LPP: variants seen among roughly 807,000 people sequenced by gnomAD.
LPP encodes the protein LIM domain containing preferred translocation partner in lipoma, also known as lipoma-preferred partner.
LPP carries 38 observed loss-of-function variants against 60.4 expected under a neutral mutation model. The observed-to-expected ratio is 0.63, with a 90% confidence interval of 0.49 to 0.83. LPP has a LOEUF of 0.83. LPP is among the 40% of genes least tolerant of loss of function. The probability of loss-of-function intolerance (pLI) is 0.00; values close to 1 mark genes in which losing one functional copy is unlikely to be tolerated. For synonymous variants in LPP, 328 were observed against 290.8 expected (o/e 1.13, Z -1.30); for missense variants, 902 against 783.6 (o/e 1.15, Z -1.80).
chr3:188,584,558 T>TGC (rs745653013), intron 6 of LPP: 2 of 150,828 alleles, frequency 1.3e-5, no homozygotes, highest in African/African-American at 2.4e-5. Context: ...TGTGTGTGTG[T>TGC]GTGTGTGTGT....
chr3:188,853,427 C>T (rs187765469), intron 9 of LPP, among the ~76,000 whole-genome samples: 53 of 152,278 alleles, frequency 3.5e-4, no homozygotes, highest in Middle Eastern at 6.8e-3. Context: ...ATTCACATAT[C>T]ATGGGCCATA....
At chr3:188,438,074 A>T (rs1792793458) in intron 4 of LPP, among the ~76,000 whole-genome samples, 1 of 152,114 alleles carries the variant, frequency 6.6e-6, no homozygotes, top group Non-Finnish European at 1.5e-5. Context: ...ATGGAGATAA[A>T]TCAGTTGTGG....
chr3:188,231,751 T>C (rs1280971746), intron 2 of LPP, among the ~76,000 whole-genome samples: 1 of 152,174 alleles, frequency 6.6e-6, no homozygotes. Context: ...ACTTTTAGGA[T>C]GTTTTCTCTT....
intron 4 of LPP, among the ~76,000 whole-genome samples, chr3:188,476,121 A>G (rs1803151462): frequency 6.6e-6 from 1 of 151,814 alleles, no homozygotes; most frequent in African/African-American, 2.4e-5. Flanking sequence ...AGCCCTTCTC[A>G]CCATGTGATA....
chr3:188,821,668 A>G (rs963423345), intron 9 of LPP, among the ~76,000 whole-genome samples: 2 of 152,114 alleles, frequency 1.3e-5, no homozygotes, highest in African/African-American at 4.8e-5. Context: ...TTATGCTTAT[A>G]TATATATGGC....
At chr3:188,422,255 G>A (rs773530053) in intron 4 of LPP, among the ~76,000 whole-genome samples, 1 of 151,990 alleles carries the variant, frequency 6.6e-6, no homozygotes, top group African/African-American at 2.4e-5. Flanking sequence ...ATCAGTAATC[G>A]CTAAGTAACA....
intron 3 of LPP, among the ~76,000 whole-genome samples, chr3:188,348,972 C>T (rs1418087360): frequency 6.6e-6 from 1 of 152,156 alleles, no homozygotes. Context: ...CTTTTTAACA[C>T]CCTTCATTTC....
chr3:188,393,923 A>G (rs79243759), intron 3 of LPP, among the ~76,000 whole-genome samples: 5,435 of 152,216 alleles, frequency 0.036, 316 homozygotes, highest in African/African-American at 0.13. Context: ...GCAATAATGC[A>G]TTTTATGCTT....
intron 6 of LPP, among the ~76,000 whole-genome samples, chr3:188,580,653 A>G (rs1181901959): frequency 3.9e-5 from 6 of 152,228 alleles, no homozygotes; most frequent in Non-Finnish European, 8.8e-5. Flanking sequence ...TTGCAGCAAC[A>G]TCAGCACCCC....
chr3:188,730,467 T>G (rs993536413), intron 8 of LPP, among the ~76,000 whole-genome samples: 1 of 152,222 alleles, frequency 6.6e-6, no homozygotes, highest in Admixed American at 6.5e-5. Context: ...GTTGGAGATA[T>G]CTTGGTACTC....
At chr3:188,600,188 G>T (rs895618801) in intron 6 of LPP, among the ~76,000 whole-genome samples, 15 of 147,788 alleles carry the variant, frequency 1.0e-4, no homozygotes, top group African/African-American at 3.7e-4. Context: ...TTAAAATAAT[G>T]TATATATTTC....
chr3:188,160,756 A>C (rs1718020747), intron 1 of LPP, among the ~76,000 whole-genome samples: 1 of 152,246 alleles, frequency 6.6e-6, no homozygotes, highest in Non-Finnish European at 1.5e-5. Flanking sequence ...GATACTGGTT[A>C]CAAAGAAAAC....
intron 7 of LPP, among the ~76,000 whole-genome samples, chr3:188,670,997 C>T (rs1312095486): frequency 2.6e-5 from 4 of 152,162 alleles, no homozygotes; most frequent in African/African-American, 7.2e-5. Context: ...GTTTCCCCCG[C>T]GTTTTCTACA....
chr3:188,178,165 G>A (rs1399947277), intron 1 of LPP, among the ~76,000 whole-genome samples: 1 of 152,168 alleles, frequency 6.6e-6, no homozygotes, highest in Admixed American at 6.5e-5. Flanking sequence ...AGTCAGTGCT[G>A]GGAGGGACCT....
intron 2 of LPP, among the ~76,000 whole-genome samples, chr3:188,294,567 A>G (rs1469694112): frequency 6.6e-6 from 1 of 151,958 alleles, no homozygotes; most frequent in African/African-American, 2.4e-5. Flanking sequence ...ACCTAACTTC[A>G]TGCACGTTTT....
At chr3:188,227,463 T>C (rs1718233186) in intron 2 of LPP, among the ~76,000 whole-genome samples, 1 of 151,476 alleles carries the variant, frequency 6.6e-6, no homozygotes, top group African/African-American at 2.4e-5. Context: ...GTTCATAAGC[T>C]AAATATGAGC....
intron 2 of LPP, among the ~76,000 whole-genome samples, chr3:188,236,911 G>A (rs1011236713): frequency 6.6e-6 from 1 of 152,136 alleles, no homozygotes; most frequent in African/African-American, 2.4e-5. Context: ...CACATTGATT[G>A]ACTCTGCAGA....
intron 6 of LPP, among the ~76,000 whole-genome samples, chr3:188,585,735 T>C (rs1580180786): frequency 6.6e-6 from 1 of 152,366 alleles, no homozygotes; most frequent in South Asian, 2.1e-4. Flanking sequence ...AGGGAAAAAG[T>C]AGAAAACATG....
intron 4 of LPP, among the ~76,000 whole-genome samples, chr3:188,456,633 T>G (rs894644071): frequency 3.9e-5 from 6 of 152,210 alleles, no homozygotes; most frequent in African/African-American, 1.2e-4. Flanking sequence ...CAAGAAGGAT[T>G]GCGTTTCTTT....
Sources: gnomAD v4.1 joint callset for allele counts (sites outside exome capture counted in the v4.1 genomes callset) on GRCh38, gnomAD v4.1.1 for gene constraint, MANE v1.5 for transcripts, NCBI Gene and HGNC (gene_info 2026-07-23, HGNC 2026-07-21) for gene names.